Variants in DRC11 observed in about 807,000 individuals in gnomAD.
DRC11 encodes dynein regulatory complex subunit 11, also known as IQ and AAA domain-containing protein 1.
At chr2:236,490,939 AGTGTGTATATATAT>A in the DRC11 span, among the ~76,000 whole-genome samples, 1 of 136,292 alleles carries the variant, frequency 7.3e-6, no homozygotes, top group South Asian at 2.1e-4. The surrounding 1 kb of genome is among the most constrained non-coding windows in gnomAD (Gnocchi z 5.5). Context: ...TATATATATG[AGTGTGTATATATAT>A]GTGTGTATAT....
the DRC11 span, among the ~76,000 whole-genome samples, chr2:236,326,420 TGG>T: frequency 6.2e-4 from 95 of 152,356 alleles, 1 homozygote; most frequent in South Asian, 0.014. Context: ...GCTGACTATT[TGG>T]GGGTACTCCC....
At chr2:236,470,752 G>A in the DRC11 span, among the ~76,000 whole-genome samples, 2 of 152,102 alleles carry the variant, frequency 1.3e-5, no homozygotes, top group Non-Finnish European at 1.5e-5. The surrounding 1 kb of genome is among the most constrained non-coding windows in gnomAD (Gnocchi z 5.1). Context: ...TAGAGCTGAT[G>A]GTTTGCTTTT....
chr2:236,502,448 G>T, the DRC11 span, among the ~76,000 whole-genome samples: 4 of 148,860 alleles, frequency 2.7e-5, no homozygotes, highest in Non-Finnish European at 3.0e-5. Flanking sequence ...ATGGTGGCAG[G>T]CGCCTGTAAT....
At chr2:236,443,364 C>T in the DRC11 span, among the ~76,000 whole-genome samples, 361 of 152,218 alleles carry the variant, frequency 2.4e-3, no homozygotes, top group African/African-American at 8.4e-3. The surrounding 1 kb of genome is among the most constrained non-coding windows in gnomAD (Gnocchi z 4.4). Flanking sequence ...ACAGGCCCTC[C>T]CCATGTGTCC....
the DRC11 span, among the ~76,000 whole-genome samples, chr2:236,345,319 C>A: frequency 1.3e-5 from 2 of 152,194 alleles, no homozygotes; most frequent in Admixed American, 6.5e-5. Flanking sequence ...AGTCCCCACC[C>A]CCCCCAACCG....
At chr2:236,403,762 T>C in the DRC11 span, among the ~76,000 whole-genome samples, 2 of 152,130 alleles carry the variant, frequency 1.3e-5, no homozygotes, top group African/African-American at 2.4e-5. Flanking sequence ...GAACCTTTCC[T>C]GAGCAGCTAC....
At chr2:236,490,306 C>T in the DRC11 span, among the ~76,000 whole-genome samples, 1 of 152,134 alleles carries the variant, frequency 6.6e-6, no homozygotes, top group Non-Finnish European at 1.5e-5. The surrounding 1 kb of genome is among the most constrained non-coding windows in gnomAD (Gnocchi z 5.5). Context: ...TGCAAGGCCC[C>T]GTGGGTAAGA....
At chr2:236,469,667 C>T in the DRC11 span, among the ~76,000 whole-genome samples, 2 of 152,178 alleles carry the variant, frequency 1.3e-5, no homozygotes, top group African/African-American at 2.4e-5. This position sits in a 1 kb window ranked among gnomAD's most constrained non-coding sequence, Gnocchi z 5.8. Context: ...TTTGTGGCTC[C>T]TTTCTCCGGT....
At chr2:236,354,316 CATGTGTGTGA>C in the DRC11 span, among the ~76,000 whole-genome samples, 234 of 69,342 alleles carry the variant, frequency 3.4e-3, no homozygotes, top group African/African-American at 0.016. Flanking sequence ...CATGTGTGTG[CATGTGTGTGA>C]GTGTATTAGT....
chr2:236,315,520 T>G, the DRC11 span, among the ~76,000 whole-genome samples: 1 of 152,198 alleles, frequency 6.6e-6, no homozygotes, highest in Non-Finnish European at 1.5e-5. This position sits in a 1 kb window ranked among gnomAD's most constrained non-coding sequence, Gnocchi z 5.1. Context: ...CCCAGAGGAA[T>G]ATAAATCATT....
the DRC11 span, among the ~76,000 whole-genome samples, chr2:236,358,903 T>C: frequency 6.7e-6 from 1 of 150,126 alleles, no homozygotes; most frequent in African/African-American, 2.5e-5. Context: ...TGTGGGAGGA[T>C]GTGCCCTCCA....
the DRC11 span, among the ~76,000 whole-genome samples, chr2:236,379,935 T>A: frequency 1.4e-4 from 22 of 152,254 alleles, no homozygotes; most frequent in South Asian, 2.1e-4. Flanking sequence ...CAGGTGTTGA[T>A]CCATTAATAA....
chr2:236,307,961 G>T, the DRC11 span, among the ~76,000 whole-genome samples: 56 of 151,586 alleles, frequency 3.7e-4, no homozygotes, highest in African/African-American at 1.3e-3. The surrounding 1 kb of genome is among the most constrained non-coding windows in gnomAD (Gnocchi z 7.0). Flanking sequence ...AAGCGTCCTC[G>T]TGTGCTTGCA....
chr2:236,488,131 T>G, the DRC11 span: 13 of 1,609,944 alleles, frequency 8.1e-6, no homozygotes, highest in Non-Finnish European at 1.1e-5. Flanking sequence ...TGCCGTGCCC[T>G]CTCAGCAATC....
At chr2:236,440,708 G>A in the DRC11 span, among the ~76,000 whole-genome samples, 1 of 152,124 alleles carries the variant, frequency 6.6e-6, no homozygotes, top group Non-Finnish European at 1.5e-5. Context: ...TGGAGCCAAG[G>A]GCCTGCTGAG....
At chr2:236,451,776 T>A in the DRC11 span, among the ~76,000 whole-genome samples, 1 of 152,152 alleles carries the variant, frequency 6.6e-6, no homozygotes, top group Non-Finnish European at 1.5e-5. Flanking sequence ...AATTGTATTT[T>A]ACTGGAAAGG....
chr2:236,492,121 A>C, the DRC11 span, among the ~76,000 whole-genome samples: 5 of 152,222 alleles, frequency 3.3e-5, no homozygotes, highest in Non-Finnish European at 5.9e-5. Flanking sequence ...CTGGACTTCC[A>C]AGCCTCCAGA....
the DRC11 span, among the ~76,000 whole-genome samples, chr2:236,414,047 C>A: frequency 7.9e-5 from 12 of 152,288 alleles, no homozygotes; most frequent in East Asian, 1.4e-3. Context: ...TAACTGCAGT[C>A]CACAACAATT....
the DRC11 span, among the ~76,000 whole-genome samples, chr2:236,311,675 G>A: frequency 3.3e-5 from 5 of 151,584 alleles, no homozygotes; most frequent in Non-Finnish European, 7.4e-5. The surrounding 1 kb of genome is among the most constrained non-coding windows in gnomAD (Gnocchi z 6.9). Flanking sequence ...AGCACTGTGG[G>A]CTTGGCCAGC....
Sources: gnomAD v4.1 joint callset for allele counts (sites outside exome capture counted in the v4.1 genomes callset) on GRCh38, gnomAD v4.1.1 for gene constraint, Gnocchi (gnomAD v3.1) non-coding constraint, MANE v1.5 for transcripts, NCBI Gene and HGNC (gene_info 2026-07-23, HGNC 2026-07-21) for gene names.